Variants in PDCD11 observed in about 807,000 individuals in gnomAD.
The protein encoded by PDCD11 is protein RRP5 homolog.
Under a neutral mutation model 198.9 loss-of-function variants are expected in PDCD11, and 97 were observed. The observed-to-expected ratio is 0.49, with a 90% CI of 0.41 to 0.58. The LOEUF (loss-of-function observed/expected upper bound fraction) is 0.58. Among genes scored for constraint, PDCD11 ranks in the 20% least tolerant of loss-of-function variants. PDCD11 has a pLI of 0.00. For synonymous variants in PDCD11, 893 were observed against 918.0 expected (o/e 0.97, Z 0.49); for missense variants, 2,102 against 2,312.7 (o/e 0.91, Z 1.87).
intron 16 of PDCD11, among the ~76,000 whole-genome samples, chr10:103,420,517 C>T (rs4918014): frequency 0.96 from 146,139 of 152,268 alleles, 70,415 homozygotes; most frequent in East Asian, 1. Flanking sequence ...GTGCCTGGCA[C>T]GTCAGCCGAG....
At chr10:103,407,329 C>T (rs546017771) in intron 7 of PDCD11, among the ~76,000 whole-genome samples, 6 of 151,900 alleles carry the variant, frequency 3.9e-5, no homozygotes, top group South Asian at 2.1e-4. Context: ...CTTTGGAGGC[C>T]GAGGCAGGCT....
At position 103,415,208 on chromosome 10, in the gene PDCD11, C is replaced by G; in HGVS notation, c.1518+57C>G. On this transcript the variant is annotated intron_variant, in intron 12 of 35. Transcript: ENST00000369797. ...GGCTAGATGGGAAGAAAGCAGTTCTCAACTGAAGTTTCTGCCTTTTTCCAC... is the reference window on the plus strand; with the variant it reads ...GGCTAGATGGGAAGAAAGCAGTTCTGAACTGAAGTTTCTGCCTTTTTCCAC... 3 of 1,578,084 alleles carry G rather than the reference C, an allele frequency of 1.9e-6. No individual in the cohort carries two copies. The East Asian group carries it at 6.7e-5, about 35-fold the overall frequency.
At chr10:103,406,323 T>G (rs2030445429) in intron 6 of PDCD11, among the ~76,000 whole-genome samples, 1 of 152,198 alleles carries the variant, frequency 6.6e-6, no homozygotes, top group African/African-American at 2.4e-5. Flanking sequence ...TGGAACAGTG[T>G]CAGTTTTTCT....
chr10:103,414,474 T>C (rs2030990087), intron 11 of PDCD11, 144 bp downstream of exon 11: 1 of 627,822 alleles, frequency 1.6e-6, no homozygotes, highest in African/African-American at 1.8e-5. Context: ...TAGAATTTCT[T>C]TCTCTTTCTT....
chr10:103,433,605 G>A (rs2032026331), intron 22 of PDCD11, among the ~76,000 whole-genome samples: 1 of 152,238 alleles, frequency 6.6e-6, no homozygotes, highest in South Asian at 2.1e-4. Flanking sequence ...CTCTGGAGAT[G>A]GTTAACAATC....
chr10:103,410,661 T>C (rs1027644029), intron 8 of PDCD11, among the ~76,000 whole-genome samples: 1 of 149,450 alleles, frequency 6.7e-6, no homozygotes, highest in Non-Finnish European at 1.5e-5. Context: ...CAGGCTGGAG[T>C]GCAGTGGCGC....
chr10:103,421,973 CAAAAAAAAAAAAAAAA>C (rs964087668), intron 17 of PDCD11, among the ~76,000 whole-genome samples: 1 of 26,184 alleles, frequency 3.8e-5, no homozygotes, highest in African/African-American at 1.3e-4. Context: ...GACTCCGTCT[CAAAAAAAAAAAAAAAA>C]AAAGAAAAAA....
At chr10:103,396,994 C>T (rs2093439539) in intron 1 of PDCD11, among the ~76,000 whole-genome samples, 1 of 152,158 alleles carries the variant, frequency 6.6e-6, no homozygotes. Context: ...GTGAAATTAT[C>T]AGCAAACTAG....
rs573805650 is a variant in PDCD11, at chr10:103,402,820, C to T, written c.235-298C>T. 7.2e-5 allele frequency among the ~76,000 whole-genome samples: 11 copies of T among 152,318 alleles called. No individual in the cohort carries two copies. In the East Asian group the frequency reaches 1.7e-3, roughly 24 times the overall value. ...GCAGTGGTGTGATCACAGCTCACTG[C>T]AGACTCAACCTCCTGGCTCAAGCGA... On this transcript the variant is annotated intron_variant, in intron 3 of 35. Coordinates refer to ENST00000369797, the MANE Select transcript of PDCD11 (RefSeq NM_014976.2).
At position 103,445,365 on chromosome 10, in the gene PDCD11, T is replaced by C; in HGVS notation, c.5445-13T>C. ...GACTGACAGGCAAATGCCACTCTGC[T>C]TTTCCTCAACAGGGACATCTTTGAG... On this transcript the variant is annotated splice_polypyrimidine_tract_variant and intron_variant, in intron 35 of 35. Transcript: ENST00000369797. The C allele has an allele frequency of 6.2e-7, 1 of 1,613,612 alleles. No individual in the cohort carries two copies. Among genetic ancestry groups the C allele is most frequent in the Non-Finnish European group, 8.5e-7 (1 of 1,179,558 alleles).
chr10:103,435,748 G>A (rs1001582058), intron 25 of PDCD11, among the ~76,000 whole-genome samples: 2 of 152,188 alleles, frequency 1.3e-5, no homozygotes, highest in Non-Finnish European at 2.9e-5. Context: ...CCTGACCTCA[G>A]GTGATCTGCC....
chr10:103,401,696 C>G (rs1237574670), intron 3 of PDCD11, among the ~76,000 whole-genome samples: 1 of 152,100 alleles, frequency 6.6e-6, no homozygotes, highest in Admixed American at 6.5e-5. Flanking sequence ...CTATATGATA[C>G]TTTAAAAAAA....
Position 103,412,111 on chromosome 10 carries a change from A to T in PDCD11, c.979-1005A>T, listed in dbSNP as rs184443780. On this transcript the variant is annotated intron_variant, in intron 8 of 35. Coordinates refer to ENST00000369797, the MANE Select transcript of PDCD11 (RefSeq NM_014976.2). ...TTGACCTCCTGGGCTCACTCAGGTG[A>T]TTCTCCTGCCTCAGCCTCCCAAAGT... 1.0e-4 allele frequency among the ~76,000 whole-genome samples: 15 copies of T among 143,492 alleles called. No homozygotes were observed. The East Asian group carries it at 2.9e-3, about 28-fold the overall frequency. The allele number at this position is 143,492 out of a possible 152,430, so 94.1% of individuals were successfully genotyped here. A position where few individuals can be genotyped will look rare whatever the true frequency, so the allele number is the denominator to read the frequency against.
intron 6 of PDCD11, 151 bp from the exon 7 acceptor site, chr10:103,406,458 A>C (rs1156706987): frequency 9.2e-6 from 6 of 650,534 alleles, no homozygotes; most frequent in Admixed American, 3.2e-5. Flanking sequence ...TCCTTCTTGT[A>C]GTTGGCCCCT....
chr10:103,411,023 C>T (rs571349022), intron 8 of PDCD11, among the ~76,000 whole-genome samples: 52 of 151,178 alleles, frequency 3.4e-4, no homozygotes, highest in African/African-American at 8.8e-4. Flanking sequence ...TGCAGTGAGC[C>T]GAGATTGTGC....
chr10:103,398,369 C>A, intron 1 of PDCD11, 47 bp from the exon 2 acceptor site: 1 of 1,178,448 alleles, frequency 8.5e-7, no homozygotes, highest in Non-Finnish European at 1.3e-6. Context: ...TTTCTGAAAT[C>A]TGCTACCAAG....
chr10:103,425,167 A>G lies in PDCD11; in HGVS notation c.2947A>G (p.Thr983Ala). 3 of 1,614,142 alleles carry G rather than the reference A, an allele frequency of 1.9e-6. No homozygotes were observed. Among genetic ancestry groups the G allele is most frequent in the Non-Finnish European group, 2.5e-6 (3 of 1,180,024 alleles). Residue 983 changes from threonine to alanine, a missense_variant, in exon 20 of 36, where the codon ACA becomes GCA. Transcript: ENST00000369797. ...GGGTGTCTCCCTAACCCTCAAGACC[A>G]CAGAACCAGGAGTGACTGGCCTTCT... ...GQGVSLTLKT[T>A]EPGVTGLLLA...
At chr10:103,402,108 A>G (rs540825440) in intron 3 of PDCD11, among the ~76,000 whole-genome samples, 1 of 152,346 alleles carries the variant, frequency 6.6e-6, no homozygotes, top group African/African-American at 2.4e-5. Flanking sequence ...GAAAGTACTG[A>G]TAGCAGAAGG....
At chr10:103,398,147 A>G (rs2133662647) in intron 1 of PDCD11, among the ~76,000 whole-genome samples, 1 of 152,358 alleles carries the variant, frequency 6.6e-6, no homozygotes, top group East Asian at 1.9e-4. Context: ...TCTCTGACTT[A>G]ACTGTAGCTT....
Sources: gnomAD v4.1 joint callset for allele counts (sites outside exome capture counted in the v4.1 genomes callset) on GRCh38, gnomAD v4.1.1 for gene constraint, MANE v1.5 for transcripts, NCBI Gene and HGNC (gene_info 2026-07-23, HGNC 2026-07-21) for gene names.